TAPBP: variants seen among roughly 807,000 people sequenced by gnomAD.
The protein encoded by TAPBP is tapasin.
Under a neutral mutation model 45.7 loss-of-function variants are expected in TAPBP, and 38 were observed. The ratio of observed to expected loss-of-function variants is 0.83; its 90% CI spans 0.64 to 1.09. The LOEUF (loss-of-function observed/expected upper bound fraction) is 1.09. Ranked by LOEUF, TAPBP falls within the 50% of genes least tolerant of loss-of-function variation. The pLI is 0.00. For missense variants in TAPBP, 513 were observed against 587.3 expected (o/e 0.87, Z 1.31); for synonymous variants, 226 against 254.8 (o/e 0.89, Z 1.08).
Position 33,314,068 on chromosome 6 carries a change from G to T in TAPBP, c.-27C>A, listed in dbSNP as rs1341037656. ...GCGCTGCGACCTCCTCAGCCATGAA[G>T]CCTCCTCTTCCTCCTTTCACTTTCA... On this transcript the variant is annotated 5_prime_UTR_variant, in exon 1 of 8. Coordinates refer to ENST00000434618, the MANE Select transcript of TAPBP (RefSeq NM_003190.5). The T allele has an allele frequency of 1.9e-6, 3 of 1,612,476 alleles. No individual in the cohort carries two copies. The highest frequency in any genetic ancestry group is 2.5e-6 in the Non-Finnish European group (3 of 1,179,120).
In TAPBP at chr6:33,313,571, C is replaced by T. The variant is rs1266874398; in HGVS notation, c.209-94G>A. 1 of 1,520,624 alleles carries T rather than the reference C, an allele frequency of 6.6e-7. No individual in the cohort carries two copies. Among genetic ancestry groups the T allele is most frequent in the African/African-American group, 1.4e-5 (1 of 72,372 alleles). The allele number at this position is 1,520,624 out of a possible 1,614,324, so 94.2% of individuals were successfully genotyped here. A position where few individuals can be genotyped will look rare whatever the true frequency, so the allele number is the denominator to read the frequency against. ...GGGGAACTTCAAATGCACAGACTAC[C>T]CCGTAGTGAGACTCACTTTACAAAG... is the stretch of plus-strand genomic sequence containing the variant. On this transcript the variant is annotated intron_variant, in intron 2 of 7. Transcript: ENST00000434618. The surrounding 1 kb of genome is among the most constrained non-coding windows in gnomAD (Gnocchi z 7.2).
At chr6:33,302,669 A>C (rs1768674044) in intron 7 of TAPBP, among the ~76,000 whole-genome samples, 1 of 148,466 alleles carries the variant, frequency 6.7e-6, no homozygotes, top group Non-Finnish European at 1.5e-5. Flanking sequence ...TGTTGAGACG[A>C]AGTTTTCCTT....
chr6:33,313,397 C>T lies in TAPBP; in HGVS notation c.289G>A (p.Val97Met), dbSNP rs1487703229. ...PAPHCEMSRF[V>M]PLPASAKWAS... ...CATTTCGCAGAGGCGGGGAGAGGCA[C>T]GAAGCGGCTCATCTCGCAGTGTGGT... is the stretch of plus-strand genomic sequence containing the variant. The change falls in exon 3 of 8, where the codon GTG becomes ATG. Residue 97 changes from valine to methionine, a missense_variant. By Grantham distance (21) the Val-to-Met change is conservative. Coordinates refer to ENST00000434618, the MANE Select transcript of TAPBP (RefSeq NM_003190.5). The surrounding 1 kb of genome is among the most constrained non-coding windows in gnomAD (Gnocchi z 7.2). The T allele has an allele frequency of 1.2e-6, 2 of 1,610,782 alleles. No homozygotes were observed. Among genetic ancestry groups the T allele is most frequent in the Non-Finnish European group, 1.7e-6 (2 of 1,178,486 alleles).
Position 33,304,164 on chromosome 6 carries a change from G to T in TAPBP, c.1264C>A (p.Leu422Ile), listed in dbSNP as rs757738742. ...DSVGLFLSAF[L>I]LLGLFKALGW... The stretch of plus-strand genomic sequence containing the variant: ...AGTGCCTTGAAGAGCCCAAGCAGAA[G>T]AAAGGCAGACAGGAAAAGGCCTACG... Residue 422 changes from leucine (L) to isoleucine (I), a missense_variant, in exon 6 of 8, where the codon CTT (leucine) becomes ATT (isoleucine). Leu to Ile is a conservative substitution (Grantham distance 5, BLOSUM62 2). Coordinates refer to ENST00000434618, the MANE Select transcript of TAPBP (RefSeq NM_003190.5). 6.2e-7 allele frequency: 1 copy of T among 1,613,530 alleles called. No individual in the cohort carries two copies. The highest frequency in any genetic ancestry group is 1.1e-5 in the South Asian group (1 of 91,034).
rs1562677521 is a variant in TAPBP at position 33,300,553 on chromosome 6, C to CG, written c.*1206dup. On this transcript the variant is annotated 3_prime_UTR_variant, in exon 8 of 8. Coordinates refer to ENST00000434618, the MANE Select transcript of TAPBP (RefSeq NM_003190.5). Reference sequence around the variant, plus strand: ...GCGGGCCCCTGTAGTCCCAGCTACTCGGGAAGCTGAGGCAGGAGAATGGCG... The same window carrying CG: ...GCGGGCCCCTGTAGTCCCAGCTACTCGGGGAAGCTGAGGCAGGAGAATGGCG... The CG allele has an allele frequency of 6.6e-6, 1 of 150,486 alleles. No homozygotes were observed. The allele number at this position is 150,486 out of a possible 1,614,324, so 9.3% of individuals were successfully genotyped here. A position where few individuals can be genotyped will look rare whatever the true frequency, so the allele number is the denominator to read the frequency against.
At position 33,313,428 on chromosome 6, in the gene TAPBP, G is replaced by A. The variant is rs1360160020; in HGVS notation, c.258C>T (p.Ala86=). The A allele has an allele frequency of 6.2e-7, 1 of 1,600,526 alleles. No homozygotes were observed. Among genetic ancestry groups the A allele is most frequent in the Admixed American group, 1.7e-5 (1 of 58,886 alleles). ...GGCTCATCTCGCAGTGTGGTGCGGG[G>A]GCGCCCCGGGGATACCGCCTGAAGG... ...QAAFRRYPRG[A]PAPHCEMSRF... Residue 86 remains alanine, a synonymous_variant, in exon 3 of 8, where the codon GCC becomes GCT. Transcript: ENST00000434618. The surrounding 1 kb of genome is among the most constrained non-coding windows in gnomAD (Gnocchi z 7.2).
Position 33,304,456 on chromosome 6 carries a change from C to A in TAPBP, c.1051G>T (p.Ala351Ser). The A allele has an allele frequency of 6.2e-7, 1 of 1,611,564 alleles. No homozygotes were observed. Among genetic ancestry groups the A allele is most frequent in the Non-Finnish European group, 8.5e-7 (1 of 1,178,808 alleles). The change falls in exon 5 of 8, where the codon GCC becomes TCC. Residue 351 changes from alanine (A) to serine (S), a missense_variant. Transcript: ENST00000434618. Reference protein sequence around the residue: ...QKAEGQRWLSALRHHSDGSVS... With the variant: ...QKAEGQRWLSSLRHHSDGSVS... ...GAGCCATCGGAATGGTGGCGCAGGG[C>A]CGAGAGCCACCTCTGCCCCTCGGCC...
In TAPBP at chr6:33,313,813, A is replaced by C. The variant is rs753987638; in HGVS notation, c.89T>G (p.Val30Gly). The change falls in exon 2 of 8, where the codon GTG becomes GGG. Residue 30 changes from valine to glycine, a missense_variant. Coordinates refer to ENST00000434618, the MANE Select transcript of TAPBP (RefSeq NM_003190.5). The surrounding 1 kb of genome is among the most constrained non-coding windows in gnomAD (Gnocchi z 7.2). ...CAGGCCCTTTCCGCTCGCATCCTCC[A>C]CGAACCAACACTCGATCACCGCGGG... ...AGPAVIECWF[V>G]EDASGKGLAK... is the part of the protein sequence containing the mutation. The C allele has an allele frequency of 3.7e-6, 6 of 1,613,556 alleles. No homozygotes were observed. The highest frequency in any genetic ancestry group is 1.7e-5 in the Admixed American group (1 of 59,998).
chr6:33,312,528 C>T (rs1269315293), intron 3 of TAPBP, among the ~76,000 whole-genome samples: 1 of 152,226 alleles, frequency 6.6e-6, no homozygotes, highest in East Asian at 1.9e-4. Context: ...GTCCCTCCCA[C>T]GTCCCAGCCT....
intron 3 of TAPBP, among the ~76,000 whole-genome samples, chr6:33,308,575 T>A (rs1394880137): frequency 6.6e-6 from 1 of 152,172 alleles, no homozygotes; most frequent in African/African-American, 2.4e-5. Flanking sequence ...GCTTTGGTCA[T>A]GAGGTCCCTT....
chr6:33,314,051 ACCT>A lies in TAPBP; in HGVS notation c.-13_-11del. On this transcript the variant is annotated 5_prime_UTR_variant, in exon 1 of 8. Transcript: ENST00000434618. ...GAGACAGGGACTTCATGGCGCTGCGACCTCCTCAGCCATGAAGCCTCCTCTTCC... is the reference window on the plus strand; with the variant it reads ...GAGACAGGGACTTCATGGCGCTGCGACCTCAGCCATGAAGCCTCCTCTTCC... 1.2e-6 allele frequency: 2 copies of A among 1,612,290 alleles called. No individual in the cohort carries two copies.
At position 33,303,946 on chromosome 6, in the gene TAPBP, G is replaced by A. The variant is rs1768758423; in HGVS notation, c.1335+9C>T. On this transcript the variant is annotated intron_variant, in intron 7 of 7. Transcript: ENST00000434618. ...CAAGGGAAAGATACAGAGAGGTGGA[G>A]CACTGTACCTTCTTTGAATCCTTGC... is the stretch of plus-strand genomic sequence containing the variant. The A allele has an allele frequency of 3.1e-6, 5 of 1,613,892 alleles. No homozygotes were observed. The highest frequency in any genetic ancestry group is 3.4e-6 in the Non-Finnish European group (4 of 1,179,972).
chr6:33,313,355 G>A lies in TAPBP; in HGVS notation c.331C>T (p.Pro111Ser), dbSNP rs928276647. Reference protein sequence around the residue: ...ASAKWASGLTPAQNCPRALDG... With the variant: ...ASAKWASGLTSAQNCPRALDG... ...AGGGCCCGCGGGCAGTTCTGCGCGG[G>A]GGTCAGGCCGCTGGCCCATTTCGCA... The change falls in exon 3 of 8, where the codon CCC becomes TCC. Residue 111 changes from proline to serine, a missense_variant. Pro to Ser is a moderately conservative substitution (Grantham distance 74). Transcript: ENST00000434618. This position sits in a 1 kb window ranked among gnomAD's most constrained non-coding sequence, Gnocchi z 7.2. 2.5e-6 allele frequency: 4 copies of A among 1,613,144 alleles called. No homozygotes were observed. Among genetic ancestry groups the A allele is most frequent in the Non-Finnish European group, 2.5e-6 (3 of 1,179,890 alleles).
chr6:33,300,342 T>C lies in TAPBP; in HGVS notation c.*1418A>G, dbSNP rs1405759333. ...ATGTCAGGGGGTTTGTGAGATTTTA[T>C]AACAAAATTAAGATGTTAGTACAAT... On this transcript the variant is annotated 3_prime_UTR_variant, in exon 8 of 8. Coordinates refer to ENST00000434618, the MANE Select transcript of TAPBP (RefSeq NM_003190.5). 1 of 153,318 alleles carries C rather than the reference T, an allele frequency of 6.5e-6. No homozygotes were observed. The highest frequency in any genetic ancestry group is 1.5e-5 in the Non-Finnish European group (1 of 68,046). The allele number at this position is 153,318 out of a possible 1,614,324, so 9.5% of individuals were successfully genotyped here.
intron 7 of TAPBP, among the ~76,000 whole-genome samples, chr6:33,302,794 G>A (rs1027463998): frequency 6.6e-6 from 1 of 151,018 alleles, no homozygotes; most frequent in Non-Finnish European, 1.5e-5. Context: ...TACAGGTGCC[G>A]TCACATCTGG....
Position 33,299,822 on chromosome 6 carries a change from AC to A in TAPBP, c.*1937del, listed in dbSNP as rs1214954478. Reference sequence around the variant, plus strand: ...CTTCCTTCGTCAACATCCAGCAGCTACTTGATGAGCGCCCTCCAGTGGGCCT... The same window carrying A: ...CTTCCTTCGTCAACATCCAGCAGCTATTGATGAGCGCCCTCCAGTGGGCCT... On this transcript the variant is annotated 3_prime_UTR_variant, in exon 8 of 8. Transcript: ENST00000434618. This position sits in a 1 kb window ranked among gnomAD's most constrained non-coding sequence, Gnocchi z 5.0. 6.6e-6 allele frequency: 1 copy of A among 152,286 alleles called. No individual in the cohort carries two copies. Among genetic ancestry groups the A allele is most frequent in the Non-Finnish European group, 1.5e-5 (1 of 68,110 alleles). 9.4% of individuals were successfully genotyped at this position (152,286 alleles called of 1,614,324 possible).
chr6:33,304,836 T>A, intron 4 of TAPBP, 153 bp downstream of exon 4: 1 of 1,345,752 alleles, frequency 7.4e-7, no homozygotes, highest in Non-Finnish European at 1.0e-6. Flanking sequence ...AGGAAACTTC[T>A]AGCCTCCCAT....
rs1581743588 is a variant in TAPBP, at chr6:33,305,464, G to A, written c.470-77C>T. ...AAGGAGAAAAAAATAGAGAAATGCA[G>A]TTATTGGGGAGGGCTAAACTGCAGT... On this transcript the variant is annotated intron_variant, in intron 3 of 7. Coordinates refer to ENST00000434618, the MANE Select transcript of TAPBP (RefSeq NM_003190.5). The surrounding 1 kb of genome is among the most constrained non-coding windows in gnomAD (Gnocchi z 4.4). 1.4e-6 allele frequency: 2 copies of A among 1,425,820 alleles called. No individual in the cohort carries two copies. Among genetic ancestry groups the A allele is most frequent in the East Asian group, 2.4e-5 (1 of 41,756 alleles). 88.3% of individuals were successfully genotyped at this position (1,425,820 alleles called of 1,614,324 possible). A position where few individuals can be genotyped will look rare whatever the true frequency, so the allele number is the denominator to read the frequency against.
At chr6:33,310,744 C>T (rs113630250) in intron 3 of TAPBP, among the ~76,000 whole-genome samples, 6,650 of 151,464 alleles carry the variant, frequency 0.044, 497 homozygotes, top group African/African-American at 0.15. Context: ...ACTTGAGCCA[C>T]GGAGGTGGAG....
Sources: gnomAD v4.1 joint callset for allele counts (sites outside exome capture counted in the v4.1 genomes callset) on GRCh38, gnomAD v4.1.1 for gene constraint, Gnocchi (gnomAD v3.1) non-coding constraint, MANE v1.5 for transcripts, NCBI Gene and HGNC (gene_info 2026-07-23, HGNC 2026-07-21) for gene names.